The following CCDC28A variants were observed in gnomAD, a reference collection of about 807,000 sequenced individuals.
CCDC28A encodes the protein coiled-coil domain-containing protein 28A.
In CCDC28A, 24 loss-of-function variants were observed where a neutral mutation model predicts 22.1. That is an observed-to-expected ratio of 1.09 (90% confidence interval 0.79 to 1.53). The LOEUF (loss-of-function observed/expected upper bound fraction) is 1.53. Among genes scored for constraint, CCDC28A ranks in the 40% most tolerant of loss-of-function variants. The probability of loss-of-function intolerance (pLI) is 0.00; values close to 1 mark genes in which losing one functional copy is unlikely to be tolerated. For synonymous variants in CCDC28A, 83 were observed against 74.7 expected (o/e 1.11, Z -0.57); for missense variants, 170 against 210.7 (o/e 0.81, Z 1.20).
chr6:138,779,794 A>G (rs1324962601), intron 2 of CCDC28A, 28 bp from the exon 3 acceptor site: 1 of 1,577,632 alleles, frequency 6.3e-7, no homozygotes, highest in African/African-American at 1.4e-5. Flanking sequence ...GAATAGCCTA[A>G]AAAGCCTAAA....
Position 138,773,770 on chromosome 6 carries a change from T to C in CCDC28A, c.-175T>C, listed in dbSNP as rs376180704. 6.2e-7 allele frequency: 1 copy of C among 1,612,642 alleles called. No individual in the cohort carries two copies. On this transcript the variant is annotated 5_prime_UTR_variant, in exon 1 of 6. Transcript: ENST00000617445. ...GGCTGTACCTCTTACGTCACTTCCG[T>C]AAACAAACGGAGCTGCGGAGGAGCG...
intron 4 of CCDC28A, among the ~76,000 whole-genome samples, chr6:138,787,762 T>G (rs746261074): frequency 1.3e-5 from 2 of 151,992 alleles, no homozygotes; most frequent in Admixed American, 6.5e-5. Context: ...ACTCCTGGGC[T>G]CAAGCAGTCC....
At chr6:138,776,600 C>G (rs1024521785) in intron 2 of CCDC28A, among the ~76,000 whole-genome samples, 1 of 151,596 alleles carries the variant, frequency 6.6e-6, no homozygotes, top group African/African-American at 2.4e-5. Flanking sequence ...TTTTTGTTCT[C>G]TTTCTTTCTT....
intron 1 of CCDC28A, among the ~76,000 whole-genome samples, chr6:138,775,252 A>G (rs1774912548): frequency 6.6e-6 from 1 of 152,188 alleles, no homozygotes; most frequent in South Asian, 2.1e-4. Flanking sequence ...TTTTAAATAG[A>G]TGGATGTTAG....
rs770676580 is a variant in CCDC28A at position 138,792,723 on chromosome 6, A to G, written c.501-26A>G. ...TAAAAGAAGTACCCCTTATAGAATG[A>G]AAATCTTCTTAACTGATTAATTCAG... On this transcript the variant is annotated intron_variant, in intron 5 of 5. Transcript: ENST00000617445. The G allele has an allele frequency of 6.7e-6, 10 of 1,498,860 alleles. No homozygotes were observed. In the African/African-American group the frequency reaches 1.4e-4, roughly 21 times the overall value. 92.8% of individuals were successfully genotyped at this position (1,498,860 alleles called of 1,614,324 possible). A position where few individuals can be genotyped will look rare whatever the true frequency, so the allele number is the denominator to read the frequency against.
At chr6:138,792,543 T>C (rs898318284) in intron 5 of CCDC28A, among the ~76,000 whole-genome samples, 2 of 101,186 alleles carry the variant, frequency 2.0e-5, no homozygotes, top group African/African-American at 9.3e-5. Context: ...AAAAAAAAAG[T>C]CTTCAAATTC....
At chr6:138,792,509 G>A (rs945735020) in intron 5 of CCDC28A, among the ~76,000 whole-genome samples, 3 of 151,206 alleles carry the variant, frequency 2.0e-5, no homozygotes, top group Non-Finnish European at 2.9e-5. Context: ...GAAACAAAGT[G>A]AGTCCTTATC....
intron 5 of CCDC28A, among the ~76,000 whole-genome samples, chr6:138,788,639 GA>G: frequency 7.4e-6 from 1 of 135,270 alleles, no homozygotes; most frequent in East Asian, 2.2e-4. Context: ...GCAGTGCCAC[GA>G]TCATGGTTCA....
intron 4 of CCDC28A, among the ~76,000 whole-genome samples, chr6:138,787,173 A>G (rs907719800): frequency 7.2e-5 from 11 of 152,184 alleles, no homozygotes; most frequent in African/African-American, 9.6e-5. Flanking sequence ...CCCAGAAAGC[A>G]TATATTGAAA....
At chr6:138,792,261 G>T (rs1226036131) in intron 5 of CCDC28A, among the ~76,000 whole-genome samples, 4 of 152,102 alleles carry the variant, frequency 2.6e-5, no homozygotes, top group African/African-American at 9.7e-5. Context: ...AGGTGTGGTG[G>T]CTCGCACCTG....
chr6:138,777,787 T>G (rs766787540), intron 2 of CCDC28A, among the ~76,000 whole-genome samples: 1 of 152,256 alleles, frequency 6.6e-6, no homozygotes, highest in Non-Finnish European at 1.5e-5. Flanking sequence ...TGAACTGATG[T>G]GAAAGTTTAC....
At chr6:138,783,377 T>A (rs377510562) in intron 3 of CCDC28A, among the ~76,000 whole-genome samples, 2 of 141,672 alleles carry the variant, frequency 1.4e-5, no homozygotes, top group African/African-American at 5.2e-5. Flanking sequence ...CAAGCCATCC[T>A]CCCACCTCAG....
At chr6:138,775,393 A>G (rs895476199) in intron 1 of CCDC28A, among the ~76,000 whole-genome samples, 2 of 152,244 alleles carry the variant, frequency 1.3e-5, no homozygotes, top group African/African-American at 2.4e-5. Context: ...GCAAAACTAA[A>G]TATATATCAT....
intron 5 of CCDC28A, among the ~76,000 whole-genome samples, chr6:138,789,693 A>C (rs1775142232): frequency 6.6e-6 from 1 of 151,880 alleles, no homozygotes; most frequent in East Asian, 1.9e-4. Flanking sequence ...GGTGTGGTGG[A>C]GGGCGCCTGT....
At chr6:138,792,529 TA>T (rs35659416) in intron 5 of CCDC28A, among the ~76,000 whole-genome samples, 92 of 143,410 alleles carry the variant, frequency 6.4e-4, no homozygotes, top group South Asian at 9.6e-4. Context: ...CTCTAAAATT[TA>T]AAAAAAAAAA....
At chr6:138,782,640 A>T (rs1236850893) in intron 3 of CCDC28A, among the ~76,000 whole-genome samples, 1 of 152,212 alleles carries the variant, frequency 6.6e-6, no homozygotes, top group Non-Finnish European at 1.5e-5. Flanking sequence ...ACAAACACGT[A>T]TCTTGAGATA....
intron 1 of CCDC28A, among the ~76,000 whole-genome samples, 154 bp downstream of exon 1, chr6:138,774,056 C>T (rs1204179846): frequency 6.6e-6 from 1 of 152,124 alleles, no homozygotes; most frequent in Non-Finnish European, 1.5e-5. Flanking sequence ...CCCAGTGGTA[C>T]TGCTTGGAGG....
chr6:138,778,769 CTT>C (rs1304442970), intron 2 of CCDC28A, among the ~76,000 whole-genome samples: 47 of 140,080 alleles, frequency 3.4e-4, no homozygotes, highest in Admixed American at 4.3e-4. Flanking sequence ...GCTACTAAAG[CTT>C]TTTTTTTTTT....
intron 3 of CCDC28A, among the ~76,000 whole-genome samples, chr6:138,784,340 C>A (rs1583523077): frequency 8.2e-6 from 1 of 122,402 alleles, no homozygotes; most frequent in South Asian, 3.6e-4. Flanking sequence ...GGACGATTTT[C>A]TTTTCTCTTT....
Sources: allele counts gnomAD v4.1 joint callset (sites outside exome capture counted in the v4.1 genomes callset), GRCh38; gene constraint gnomAD v4.1.1; transcripts MANE v1.5; gene names NCBI Gene and HGNC (gene_info 2026-07-23, HGNC 2026-07-21).